Variants in NRXN1 observed in about 807,000 individuals in gnomAD.
NRXN1 encodes neurexin-1.
In NRXN1, 39 loss-of-function variants were observed where a neutral mutation model predicts 150.9. That is an observed-to-expected ratio of 0.26 (90% CI 0.20 to 0.34). The LOEUF is 0.34. NRXN1 is among the 10% of genes least tolerant of loss of function. NRXN1 has a pLI of 1.00. For missense variants in NRXN1, 1,815 were observed against 1,949.9 expected, an observed-to-expected ratio of 0.93 and a Z score of 1.30; for synonymous variants, 924 against 757.0, an observed-to-expected ratio of 1.22 and a Z score of -3.62.
chr2:51,003,160 T>A (rs913740355), intron 2 of NRXN1, among the ~76,000 whole-genome samples: 1 of 151,892 alleles, frequency 6.6e-6, no homozygotes, highest in Non-Finnish European at 1.5e-5. Context: ...CAAAAACAAA[T>A]AAGCATAGAA....
intron 15 of NRXN1, among the ~76,000 whole-genome samples, chr2:50,491,512 G>A (rs1472084138): frequency 1.3e-5 from 2 of 152,154 alleles, no homozygotes; most frequent in African/African-American, 4.8e-5. Context: ...TACTAGGAAG[G>A]TTGAGGAGGA....
intron 17 of NRXN1, among the ~76,000 whole-genome samples, chr2:50,391,331 A>G (rs2081676208): frequency 6.6e-6 from 1 of 152,076 alleles, no homozygotes. Flanking sequence ...GGGAAGGGGA[A>G]TTGAAAAAAA....
At chr2:50,081,147 A>C (rs188852133) in intron 19 of NRXN1, among the ~76,000 whole-genome samples, 61 of 152,310 alleles carry the variant, frequency 4.0e-4, no homozygotes, top group African/African-American at 1.3e-3. Flanking sequence ...TTAATGTCTA[A>C]AACTAAATAC....
At chr2:50,952,029 G>C (rs1250620704) in intron 2 of NRXN1, among the ~76,000 whole-genome samples, 4 of 141,060 alleles carry the variant, frequency 2.8e-5, no homozygotes, top group African/African-American at 7.9e-5. Context: ...TGCAGTGGCG[G>C]GATCTCGGCT....
intron 12 of NRXN1, among the ~76,000 whole-genome samples, chr2:50,507,703 A>G (rs1469567576): frequency 2.0e-5 from 3 of 152,010 alleles, no homozygotes; most frequent in Non-Finnish European, 4.4e-5. Flanking sequence ...TATTTAAAAA[A>G]TAAGTATTTC....
At chr2:50,083,541 G>A (rs1447722130) in intron 19 of NRXN1, among the ~76,000 whole-genome samples, 2 of 152,180 alleles carry the variant, frequency 1.3e-5, no homozygotes, top group Non-Finnish European at 2.9e-5. Context: ...GTGAGCAGCA[G>A]CAAGATTTAT....
intron 2 of NRXN1, among the ~76,000 whole-genome samples, chr2:51,027,171 G>A (rs956590219): frequency 6.6e-6 from 1 of 152,158 alleles, no homozygotes; most frequent in Non-Finnish European, 1.5e-5. Flanking sequence ...ATATAGGTGG[G>A]CCGCGGCCCA....
At chr2:50,327,580 T>C (rs1355947307) in intron 17 of NRXN1, among the ~76,000 whole-genome samples, 1 of 152,130 alleles carries the variant, frequency 6.6e-6, no homozygotes, top group Admixed American at 6.5e-5. Flanking sequence ...AAGAAAACCT[T>C]CATCATGCTT....
rs1055335661 is a variant in NRXN1 at position 50,346,983 on chromosome 2, G to T, written c.3365-110013C>A. 95 of 1,361,506 alleles carry T rather than the reference G, an allele frequency of 7.0e-5. 2 individuals are homozygous for T. The African/African-American group carries it at 1.3e-3, about 18-fold the overall frequency. 84.3% of individuals were successfully genotyped at this position (1,361,506 alleles called of 1,614,324 possible). Reference sequence around the variant, plus strand: ...GCCCGCCGAGGGGCAGCCGCCGCGGGAGGCAAAGTTTGGGGCGCGGGGAGA... The same window carrying T: ...GCCCGCCGAGGGGCAGCCGCCGCGGTAGGCAAAGTTTGGGGCGCGGGGAGA... On this transcript the variant is annotated intron_variant, in intron 17 of 22. Transcript: ENST00000401669. This position sits in a 1 kb window ranked among gnomAD's most constrained non-coding sequence, Gnocchi z 5.0.
At chr2:50,148,223 G>C (rs2058477281) in intron 18 of NRXN1, among the ~76,000 whole-genome samples, 1 of 151,330 alleles carries the variant, frequency 6.6e-6, no homozygotes, top group Non-Finnish European at 1.5e-5. Flanking sequence ...AGATTATTGG[G>C]GTAAAATTGT....
chr2:50,777,258 T>A (rs1703773529), intron 5 of NRXN1, among the ~76,000 whole-genome samples: 1 of 152,150 alleles, frequency 6.6e-6, no homozygotes, highest in African/African-American at 2.4e-5. Context: ...TACCTTTAAT[T>A]TCTTTTAGCA....
chr2:50,815,791 T>C (rs1421727480), intron 5 of NRXN1, among the ~76,000 whole-genome samples: 1 of 152,218 alleles, frequency 6.6e-6, no homozygotes, highest in Non-Finnish European at 1.5e-5. Flanking sequence ...CTATTTTATC[T>C]ATAGAATTAA....
chr2:50,176,040 C>G (rs1024312676), intron 18 of NRXN1, among the ~76,000 whole-genome samples: 1 of 152,118 alleles, frequency 6.6e-6, no homozygotes, highest in Non-Finnish European at 1.5e-5. Flanking sequence ...GTGCTTAGAA[C>G]TGAGTCCCTC....
At chr2:50,873,846 G>T (rs1388067210) in intron 5 of NRXN1, among the ~76,000 whole-genome samples, 1 of 151,772 alleles carries the variant, frequency 6.6e-6, no homozygotes, top group Non-Finnish European at 1.5e-5. Context: ...AAACAATGCT[G>T]ACCTGGCAAG....
intron 5 of NRXN1, among the ~76,000 whole-genome samples, chr2:50,838,206 A>T: frequency 6.6e-6 from 1 of 152,122 alleles, no homozygotes; most frequent in East Asian, 1.9e-4. Flanking sequence ...TGTAGGTATT[A>T]CTCTGAAAAC....
At chr2:50,631,222 C>T in intron 5 of NRXN1, 1 of 394,570 alleles carries the variant, frequency 2.5e-6, no homozygotes. Context: ...TCTTGTTCTG[C>T]AGCGAGTAAT....
intron 5 of NRXN1, among the ~76,000 whole-genome samples, chr2:50,844,714 T>G (rs1451566629): frequency 6.6e-6 from 1 of 152,182 alleles, no homozygotes. Flanking sequence ...CTTTTTCGAA[T>G]AGTCGGTTCG....
chr2:49,999,150 C>A (rs1333872205), intron 21 of NRXN1, among the ~76,000 whole-genome samples: 2 of 152,068 alleles, frequency 1.3e-5, no homozygotes, highest in Non-Finnish European at 1.5e-5. Context: ...TTGCAACACA[C>A]CTTGAATAGA....
chr2:50,104,028 C>T (rs1701321609), intron 18 of NRXN1, among the ~76,000 whole-genome samples: 1 of 151,878 alleles, frequency 6.6e-6, no homozygotes, highest in African/African-American at 2.4e-5. Flanking sequence ...TAATTGATAC[C>T]CTATATTGTT....
Sources: gnomAD v4.1 joint callset for allele counts (sites outside exome capture counted in the v4.1 genomes callset) on GRCh38, gnomAD v4.1.1 for gene constraint, Gnocchi (gnomAD v3.1) non-coding constraint, MANE v1.5 for transcripts, NCBI Gene and HGNC (gene_info 2026-07-23, HGNC 2026-07-21) for gene names.